The following ESYT3 variants were observed in gnomAD, a reference collection of about 807,000 sequenced individuals.
The protein encoded by ESYT3 is extended synaptotagmin 3.
ESYT3 carries 101 observed loss-of-function variants against 111.5 expected under a neutral mutation model. The ratio of observed to expected loss-of-function variants is 0.91; its 90% CI spans 0.77 to 1.07. ESYT3 has a LOEUF of 1.07. ESYT3 is among the 50% of genes least tolerant of loss of function. ESYT3 has a pLI of 0.00. For synonymous variants in ESYT3, 416 were observed against 446.8 expected (o/e 0.93, Z 0.87); for missense variants, 1,097 against 1,109.4 (o/e 0.99, Z 0.16).
Position 138,435,338 on chromosome 3 carries a change from T to C in ESYT3, c.327+213T>C, listed in dbSNP as rs1576410365. On this transcript the variant is annotated intron_variant, in intron 1 of 22. Transcript: ENST00000389567. This position sits in a 1 kb window ranked among gnomAD's most constrained non-coding sequence, Gnocchi z 4.8. ...GCAGCACCCTCACGTCCACCTCTGG[T>C]CCGACTGCGGTGGGAGTGGGGAACT... Among the ~76,000 whole-genome samples the C allele has an allele frequency of 6.6e-6, 1 of 152,180 alleles. No homozygotes were observed. Among genetic ancestry groups the C allele is most frequent in the East Asian group, 1.9e-4 (1 of 5,172 alleles).
intron 1 of ESYT3, 48 bp from the exon 2 acceptor site, chr3:138,452,000 C>A: frequency 6.2e-7 from 1 of 1,604,856 alleles, no homozygotes; most frequent in Non-Finnish European, 8.5e-7. Flanking sequence ...TGGTTCCCAG[C>A]GGGTGTGCGG....
chr3:138,479,480 G>C lies in ESYT3; in HGVS notation c.*2626G>C, dbSNP rs368733998. On this transcript the variant is annotated 3_prime_UTR_variant, in exon 23 of 23. Transcript: ENST00000389567. Reference sequence around the variant, plus strand: ...CATTACCTCTCAGCTTCAAATTGACGTCTGTCTCCTTTGCTGCTTTCCCGG... The same window carrying C: ...CATTACCTCTCAGCTTCAAATTGACCTCTGTCTCCTTTGCTGCTTTCCCGG... The C allele has an allele frequency of 6.6e-6, 1 of 152,210 alleles. No homozygotes were observed. Among genetic ancestry groups the C allele is most frequent in the Non-Finnish European group, 1.5e-5 (1 of 68,034 alleles). The allele number at this position is 152,210 out of a possible 1,614,324, so 9.4% of individuals were successfully genotyped here.
intron 4 of ESYT3, 126 bp from the exon 5 acceptor site, chr3:138,459,061 T>C (rs2032463971): frequency 3.1e-6 from 2 of 651,616 alleles, no homozygotes; most frequent in Admixed American, 2.6e-5. Flanking sequence ...GCCCAGTGCA[T>C]AGAGCTCAGG....
chr3:138,444,725 A>C (rs1261897359), intron 1 of ESYT3, among the ~76,000 whole-genome samples: 3 of 152,188 alleles, frequency 2.0e-5, no homozygotes, highest in African/African-American at 7.2e-5. Flanking sequence ...GAGCCAGGGA[A>C]ATCATAATAT....
At chr3:138,457,034 C>T (rs539901727) in intron 3 of ESYT3, among the ~76,000 whole-genome samples, 9 of 152,292 alleles carry the variant, frequency 5.9e-5, no homozygotes, top group Middle Eastern at 3.4e-3. Context: ...TCCTGACCAT[C>T]GTGGGGTCAC....
At chr3:138,475,333 A>G (rs1427616592) in intron 20 of ESYT3, among the ~76,000 whole-genome samples, 1 of 152,202 alleles carries the variant, frequency 6.6e-6, no homozygotes. Flanking sequence ...AAGAGGTTTA[A>G]CATTTGACTT....
chr3:138,466,583 G>T (rs2108622132), intron 10 of ESYT3, among the ~76,000 whole-genome samples: 1 of 152,282 alleles, frequency 6.6e-6, no homozygotes, highest in East Asian at 1.9e-4. Flanking sequence ...GTTTCTTACA[G>T]TTATATAGAA....
At position 138,473,128 on chromosome 3, in the gene ESYT3, C is replaced by G. The variant is rs574670159; in HGVS notation, c.2237+269C>G. ...CTTCCAGCAGAACCATTGAGTTATACTGGGATGACATGGAAAGCTTAATAT... is the reference window on the plus strand; with the variant it reads ...CTTCCAGCAGAACCATTGAGTTATAGTGGGATGACATGGAAAGCTTAATAT... On this transcript the variant is annotated intron_variant, in intron 18 of 22. Coordinates refer to ENST00000389567, the MANE Select transcript of ESYT3 (RefSeq NM_031913.5). 8 of 1,368,896 alleles carry G rather than the reference C, an allele frequency of 5.8e-6. 1 individual carries two copies. In the Admixed American group the frequency reaches 1.7e-4, roughly 29 times the overall value. The allele number at this position is 1,368,896 out of a possible 1,614,324, so 84.8% of individuals were successfully genotyped here. A position where few individuals can be genotyped will look rare whatever the true frequency, so the allele number is the denominator to read the frequency against.
At chr3:138,460,547 AG>A in intron 6 of ESYT3, 63 bp from the exon 7 acceptor site, 7 of 1,553,698 alleles carry the variant, frequency 4.5e-6, no homozygotes, top group Non-Finnish European at 6.2e-6. Context: ...GGCTCTTGGC[AG>A]GGGGTTCTCA....
At chr3:138,452,211 A>G (rs2031988017) in intron 2 of ESYT3, 122 bp downstream of exon 2, 1 of 861,922 alleles carries the variant, frequency 1.2e-6, no homozygotes, top group Non-Finnish European at 1.8e-6. Flanking sequence ...GCGGGCAGGG[A>G]TGCTCCCTTT....
intron 1 of ESYT3, among the ~76,000 whole-genome samples, chr3:138,448,121 G>T (rs2031668124): frequency 6.6e-6 from 1 of 151,826 alleles, no homozygotes; most frequent in Admixed American, 6.6e-5. Flanking sequence ...CAAAAAATTA[G>T]CCAGGCGTGG....
At chr3:138,461,614 G>C (rs1002144877) in intron 7 of ESYT3, among the ~76,000 whole-genome samples, 3 of 152,242 alleles carry the variant, frequency 2.0e-5, no homozygotes, top group Admixed American at 2.0e-4. Flanking sequence ...TGCCAGCCCT[G>C]TTCCAGGCAC....
At chr3:138,450,710 G>A (rs2031865883) in intron 1 of ESYT3, among the ~76,000 whole-genome samples, 1 of 152,254 alleles carries the variant, frequency 6.6e-6, no homozygotes, top group African/African-American at 2.4e-5. Context: ...GGGAATGGCT[G>A]TGATCCTGAA....
intron 15 of ESYT3, 99 bp from the exon 16 acceptor site, chr3:138,469,961 T>G: frequency 1.0e-6 from 1 of 992,306 alleles, no homozygotes; most frequent in East Asian, 2.6e-5. Context: ...TAGGTAAGGT[T>G]CCCAATGGTA....
chr3:138,455,342 G>T lies in ESYT3; in HGVS notation c.504+14G>T, dbSNP rs372667066. 2.5e-6 allele frequency: 4 copies of T among 1,613,632 alleles called. No homozygotes were observed. The highest frequency in any genetic ancestry group is 1.7e-5 in the Admixed American group (1 of 59,972). ...TTTGGACAGAAGGTGGGTGTGTCTC[G>T]GGAGGGTCAGCCTGGACTGGCTGTG... On this transcript the variant is annotated intron_variant, in intron 3 of 22. Transcript: ENST00000389567.
Position 138,474,336 on chromosome 3 carries a change from C to G in ESYT3, c.2452C>G (p.Pro818Ala). The G allele has an allele frequency of 6.3e-7, 1 of 1,597,116 alleles. No individual in the cohort carries two copies. Among genetic ancestry groups the G allele is most frequent in the South Asian group, 1.1e-5 (1 of 86,986 alleles). Residue 818 changes from proline (P) to alanine (A), a missense_variant, in exon 20 of 23, where the codon CCC (proline) becomes GCC (alanine). Coordinates refer to ENST00000389567, the MANE Select transcript of ESYT3 (RefSeq NM_031913.5). ...KTSVKRKTLE[P>A]LFDETFEFFV... ...TTCAGTGAAGCGGAAGACCTTGGAACCCCTGTTTGATGAGACGTAAGTGGG... is the reference window on the plus strand; with the variant it reads ...TTCAGTGAAGCGGAAGACCTTGGAAGCCCTGTTTGATGAGACGTAAGTGGG...
At chr3:138,460,181 C>T (rs2108614736) in intron 6 of ESYT3, 147 bp downstream of exon 6, 2 of 672,518 alleles carry the variant, frequency 3.0e-6, no homozygotes, top group Non-Finnish European at 2.6e-6. Flanking sequence ...CTCATTTAAT[C>T]CTTAAGACAG....
intron 12 of ESYT3, 54 bp downstream of exon 12, chr3:138,468,248 C>G: frequency 2.0e-6 from 3 of 1,520,362 alleles, no homozygotes; most frequent in Non-Finnish European, 2.7e-6. Flanking sequence ...AGCACACGTG[C>G]CAGGTGTGTG....
chr3:138,479,163 GGAAA>G lies in ESYT3; in HGVS notation c.*2310_*2313del, dbSNP rs2033615373. ...GCCATAGATAATATTTCAGCCAGAA[GGAAA>G]ATGTACCAGTAAGGCAGAAATAGCA... On this transcript the variant is annotated 3_prime_UTR_variant, in exon 23 of 23. Transcript: ENST00000389567. 6.6e-6 allele frequency: 1 copy of G among 152,168 alleles called. No individual in the cohort carries two copies. The highest frequency in any genetic ancestry group is 2.4e-5 in the African/African-American group (1 of 41,436). 9.4% of individuals were successfully genotyped at this position (152,168 alleles called of 1,614,324 possible).
Sources: allele counts gnomAD v4.1 joint callset (sites outside exome capture counted in the v4.1 genomes callset), GRCh38; gene constraint gnomAD v4.1.1; non-coding constraint Gnocchi (gnomAD v3.1); transcripts MANE v1.5; gene names NCBI Gene and HGNC (gene_info 2026-07-23, HGNC 2026-07-21).